MED27: variants seen among roughly 807,000 people sequenced by gnomAD.
MED27 encodes the protein mediator complex subunit 27, also known as mediator of RNA polymerase II transcription subunit 27.
Under a neutral mutation model 38.2 loss-of-function variants are expected in MED27, and 30 were observed. That is an observed-to-expected ratio of 0.79 (90% CI 0.59 to 1.07). The LOEUF (loss-of-function observed/expected upper bound fraction) is 1.07. Among genes scored for constraint, MED27 ranks in the 50% least tolerant of loss-of-function variants. The probability of loss-of-function intolerance (pLI) is 0.00; values close to 1 mark genes in which losing one functional copy is unlikely to be tolerated. For missense variants in MED27, 289 were observed against 397.5 expected, an observed-to-expected ratio of 0.73 and a Z score of 2.32; for synonymous variants, 122 against 153.5, an observed-to-expected ratio of 0.79 and a Z score of 1.52.
chr9:132,065,262 GGGA>G, intron 2 of MED27, among the ~76,000 whole-genome samples: 1 of 152,144 alleles, frequency 6.6e-6, no homozygotes. Flanking sequence ...GCACCGTGGC[GGGA>G]ACTACTGATA....
intron 2 of MED27, among the ~76,000 whole-genome samples, chr9:132,070,452 G>A (rs1833912681): frequency 6.6e-6 from 1 of 152,138 alleles, no homozygotes; most frequent in Non-Finnish European, 1.5e-5. Context: ...TGCTACTTGG[G>A]GGGCTGATGC....
At chr9:132,061,340 A>G (rs1833691966) in intron 2 of MED27, among the ~76,000 whole-genome samples, 1 of 152,208 alleles carries the variant, frequency 6.6e-6, no homozygotes, top group South Asian at 2.1e-4. Flanking sequence ...CATGGTTAGA[A>G]CTGGAGGTGA....
At chr9:131,911,495 T>C (rs934819486) in intron 4 of MED27, among the ~76,000 whole-genome samples, 4 of 152,210 alleles carry the variant, frequency 2.6e-5, no homozygotes, top group Admixed American at 2.0e-4. Context: ...TTTGGAACAA[T>C]GGGTTCAAAT....
At chr9:132,024,752 G>A (rs958135129) in intron 2 of MED27, among the ~76,000 whole-genome samples, 2 of 152,194 alleles carry the variant, frequency 1.3e-5, no homozygotes, top group African/African-American at 4.8e-5. Context: ...AACAAGGTAA[G>A]TGCTCTAAAT....
chr9:131,976,866 AT>A (rs1319659302), intron 3 of MED27, among the ~76,000 whole-genome samples: 2 of 152,240 alleles, frequency 1.3e-5, no homozygotes, highest in African/African-American at 2.4e-5. Flanking sequence ...TGAAAAACAG[AT>A]CATTACGCTT....
intron 2 of MED27, among the ~76,000 whole-genome samples, chr9:132,034,447 C>G (rs1163014641): frequency 1.3e-5 from 2 of 152,196 alleles, no homozygotes; most frequent in African/African-American, 2.4e-5. Flanking sequence ...AAAGCCTGCC[C>G]TTCGCTTTGA....
intron 3 of MED27, among the ~76,000 whole-genome samples, chr9:131,984,169 C>T (rs1465233712): frequency 2.0e-5 from 3 of 152,174 alleles, no homozygotes; most frequent in Non-Finnish European, 2.9e-5. Context: ...CCTGACCGTT[C>T]TTTTTAAAGT....
chr9:131,992,099 T>G (rs1831988288), intron 3 of MED27, among the ~76,000 whole-genome samples: 1 of 152,186 alleles, frequency 6.6e-6, no homozygotes, highest in Admixed American at 6.5e-5. Context: ...GTTAGGACAT[T>G]TTATTATCCT....
At chr9:131,911,193 G>A (rs541803556) in intron 4 of MED27, among the ~76,000 whole-genome samples, 1 of 152,300 alleles carries the variant, frequency 6.6e-6, no homozygotes, top group Admixed American at 6.5e-5. Flanking sequence ...TATTAAGGAT[G>A]AGCAAGTGAT....
At chr9:131,867,002 A>G (rs1333955468) in intron 6 of MED27, among the ~76,000 whole-genome samples, 1 of 151,970 alleles carries the variant, frequency 6.6e-6, no homozygotes, top group Non-Finnish European at 1.5e-5. Flanking sequence ...GAAGCCCCCC[A>G]GGCTCCCCCG....
chr9:132,059,579 G>A (rs1350077406), intron 2 of MED27, among the ~76,000 whole-genome samples: 2 of 152,182 alleles, frequency 1.3e-5, no homozygotes, highest in Non-Finnish European at 2.9e-5. Context: ...AATCTGAGGG[G>A]CGGGCCGAGG....
chr9:131,941,261 G>C (rs1830780563), intron 3 of MED27, among the ~76,000 whole-genome samples: 1 of 152,146 alleles, frequency 6.6e-6, no homozygotes, highest in Admixed American at 6.5e-5. Flanking sequence ...TAAATTACAT[G>C]TCCGTTAAGT....
chr9:132,054,703 C>A (rs953477832), intron 2 of MED27, among the ~76,000 whole-genome samples: 2 of 152,166 alleles, frequency 1.3e-5, no homozygotes, highest in Non-Finnish European at 2.9e-5. Flanking sequence ...AGCCATCACG[C>A]CCCACTACCT....
At chr9:132,069,076 G>A (rs1263563601) in intron 2 of MED27, among the ~76,000 whole-genome samples, 1 of 152,198 alleles carries the variant, frequency 6.6e-6, no homozygotes, top group African/African-American at 2.4e-5. Flanking sequence ...AACATTCCTG[G>A]AAGAGAAGAG....
At chr9:131,990,416 C>T (rs7040609) in intron 3 of MED27, among the ~76,000 whole-genome samples, 2,152 of 152,306 alleles carry the variant, frequency 0.014, 52 homozygotes, top group African/African-American at 0.048. Context: ...TGAAATTGCA[C>T]ACACTATTTA....
At chr9:132,020,932 C>A (rs1832703625) in intron 2 of MED27, among the ~76,000 whole-genome samples, 1 of 152,102 alleles carries the variant, frequency 6.6e-6, no homozygotes, top group Non-Finnish European at 1.5e-5. Context: ...ATCAATAAAC[C>A]ATAAGAAGGA....
chr9:131,870,337 G>A (rs982856345), intron 6 of MED27, among the ~76,000 whole-genome samples: 2 of 152,174 alleles, frequency 1.3e-5, no homozygotes, highest in Non-Finnish European at 2.9e-5. Flanking sequence ...AGGATTAAAT[G>A]GGCCGATGCA....
intron 3 of MED27, among the ~76,000 whole-genome samples, chr9:131,958,903 T>G (rs1161617320): frequency 6.6e-6 from 1 of 152,264 alleles, no homozygotes; most frequent in Middle Eastern, 3.2e-3. Flanking sequence ...GAGCAGAATT[T>G]CAGCAGGACA....
intron 4 of MED27, among the ~76,000 whole-genome samples, chr9:131,906,588 C>T (rs1830067538): frequency 6.6e-6 from 1 of 152,186 alleles, no homozygotes. Context: ...CTGATGTGTG[C>T]TTTTAAAGGA....
Sources: allele counts gnomAD v4.1 joint callset (sites outside exome capture counted in the v4.1 genomes callset), GRCh38; gene constraint gnomAD v4.1.1; transcripts MANE v1.5; gene names NCBI Gene and HGNC (gene_info 2026-07-23, HGNC 2026-07-21).